PKP2: variants seen among roughly 807,000 people sequenced by gnomAD.
PKP2 encodes the protein plakophilin 2.
PKP2 carries 73 observed loss-of-function variants against 83.4 expected under a neutral mutation model. That is an observed-to-expected ratio of 0.88 (90% confidence interval 0.72 to 1.06). The LOEUF is 1.06. PKP2 is among the 50% of genes least tolerant of loss of function. The pLI is 0.00. For synonymous variants in PKP2, 409 were observed against 430.4 expected (o/e 0.95, Z 0.62); for missense variants, 966 against 1,065.4 (o/e 0.91, Z 1.30).
Position 32,877,892 on chromosome 12 carries a change from C to T in PKP2, c.988G>A (p.Gly330Arg). The change falls in exon 3 of 13, where the codon GGG becomes AGG. Residue 330 changes from glycine to arginine, a missense_variant. Coordinates refer to ENST00000340811, the MANE Select transcript of PKP2 (RefSeq NM_001005242.3). ...GTGCTTCTCTCAGTGAGCAGATTCC[C>T]ACTTCCCCCTGCGGCCGCCTGGCCG... ...TVGQAAAGGS[G>R]NLLTERSTFT... The T allele has an allele frequency of 6.2e-7, 1 of 1,614,180 alleles. No homozygotes were observed. The highest frequency in any genetic ancestry group is 8.5e-7 in the Non-Finnish European group (1 of 1,180,026).
intron 5 of PKP2, among the ~76,000 whole-genome samples, chr12:32,845,187 T>C (rs1305605917): frequency 6.6e-6 from 1 of 152,190 alleles, no homozygotes; most frequent in Non-Finnish European, 1.5e-5. Context: ...AGAAATTTAC[T>C]GCCAACCGTG....
In PKP2 at chr12:32,805,872, T is replaced by C. The variant is rs937405950; in HGVS notation, c.2014-3316A>G. Among the ~76,000 whole-genome samples, 7 of 152,206 alleles carry C rather than the reference T, an allele frequency of 4.6e-5. No homozygotes were observed. The East Asian group carries it at 7.7e-4, about 17-fold the overall frequency. ...CAATGGTAGTCTAACGGGGATAGCA[T>C]TGAATCTATAAATTACTTTGGGCAG... On this transcript the variant is annotated intron_variant, in intron 9 of 12. Coordinates refer to ENST00000340811, the MANE Select transcript of PKP2 (RefSeq NM_001005242.3).
At chr12:32,875,529 T>A (rs1592762106) in intron 3 of PKP2, among the ~76,000 whole-genome samples, 1 of 152,144 alleles carries the variant, frequency 6.6e-6, no homozygotes, top group East Asian at 1.9e-4. Flanking sequence ...ATGGGGCTTG[T>A]AGGTCATGCC....
chr12:32,823,213 A>G (rs1172628023), intron 7 of PKP2, among the ~76,000 whole-genome samples: 3 of 152,150 alleles, frequency 2.0e-5, no homozygotes, highest in African/African-American at 7.2e-5. Flanking sequence ...CAGGAGTTCA[A>G]GACCAGGCTG....
chr12:32,799,514 G>T (rs1956160157), intron 10 of PKP2, among the ~76,000 whole-genome samples: 1 of 152,202 alleles, frequency 6.6e-6, no homozygotes, highest in South Asian at 2.1e-4. Context: ...ATTCACAATT[G>T]CAAAATATGG....
At chr12:32,870,517 TA>T (rs56413210) in intron 3 of PKP2, among the ~76,000 whole-genome samples, 26,778 of 150,222 alleles carry the variant, frequency 0.18, 2,509 homozygotes, top group Middle Eastern at 0.24. Flanking sequence ...TTATAATTAG[TA>T]AAAAAAAAAT....
chr12:32,805,674 T>C (rs1956220011), intron 9 of PKP2, among the ~76,000 whole-genome samples: 2 of 152,202 alleles, frequency 1.3e-5, no homozygotes, highest in South Asian at 4.1e-4. Flanking sequence ...GTGTCTGCTT[T>C]TTGTACCAGT....
chr12:32,823,418 C>T (rs1221418222), intron 7 of PKP2, among the ~76,000 whole-genome samples: 15 of 89,632 alleles, frequency 1.7e-4, no homozygotes, highest in Admixed American at 5.5e-4. Flanking sequence ...CTAGACTCTG[C>T]CTCCAAAAAA....
At position 32,818,145 on chromosome 12, in the gene PKP2, G is replaced by A. The variant is rs146751436; in HGVS notation, c.2013+3211C>T. On this transcript the variant is annotated intron_variant, in intron 9 of 12. Transcript: ENST00000340811. ...GAATATGTTTCATTTTTTTCCGATC[G>A]ATATTAAATAAAGGGCTTTTAAAAC... Among the ~76,000 whole-genome samples the A allele has an allele frequency of 1.4e-3, 213 of 152,244 alleles. 1 individual carries two copies. The highest frequency in any genetic ancestry group is 4.8e-3 in the African/African-American group (200 of 41,526).
At chr12:32,867,122 T>C (rs1251537717) in intron 4 of PKP2, among the ~76,000 whole-genome samples, 1 of 152,140 alleles carries the variant, frequency 6.6e-6, no homozygotes, top group Non-Finnish European at 1.5e-5. Flanking sequence ...GAGCCAGGTG[T>C]TCCAGACCAG....
At position 32,823,422 on chromosome 12, in the gene PKP2, CAA is replaced by C. The variant is rs34680115; in HGVS notation, c.1674+621_1674+622del. On this transcript the variant is annotated intron_variant, in intron 7 of 12. Transcript: ENST00000340811. ...GGGTGATGAAGCTAGACTCTGCCTC[CAA>C]AAAAAAAAAAAAAAAAAGGATTATA... 3.4e-3 allele frequency among the ~76,000 whole-genome samples: 290 copies of C among 84,154 alleles called. 1 individual carries two copies. The highest frequency in any genetic ancestry group is 0.018 in the Admixed American group (126 of 7,074). The allele number at this position is 84,154 out of a possible 152,430, so 55.2% of individuals were successfully genotyped here.
intron 9 of PKP2, among the ~76,000 whole-genome samples, chr12:32,807,906 C>G (rs1296327735): frequency 6.6e-6 from 1 of 152,190 alleles, no homozygotes; most frequent in African/African-American, 2.4e-5. Context: ...TGCTGTTAGT[C>G]TCATGGGCTT....
At chr12:32,830,499 C>G (rs1373119858) in intron 6 of PKP2, among the ~76,000 whole-genome samples, 2 of 152,198 alleles carry the variant, frequency 1.3e-5, no homozygotes, top group African/African-American at 4.8e-5. Context: ...GCCCTACAAC[C>G]TACACATCTT....
chr12:32,833,294 C>T (rs1956516996), intron 6 of PKP2, among the ~76,000 whole-genome samples: 1 of 152,032 alleles, frequency 6.6e-6, no homozygotes, highest in Non-Finnish European at 1.5e-5. Context: ...AATGCATAAT[C>T]ATGAAAATGT....
At chr12:32,876,384 A>G (rs1410935399) in intron 3 of PKP2, among the ~76,000 whole-genome samples, 1 of 152,196 alleles carries the variant, frequency 6.6e-6, no homozygotes, top group Non-Finnish European at 1.5e-5. Context: ...AGGATGTCAG[A>G]TAATAATTTT....
At chr12:32,842,651 C>G (rs531819919) in intron 5 of PKP2, among the ~76,000 whole-genome samples, 1 of 152,310 alleles carries the variant, frequency 6.6e-6, no homozygotes, top group East Asian at 1.9e-4. Flanking sequence ...CCCTATCCTT[C>G]TCACTGCCCA....
In PKP2 at chr12:32,858,132, A is replaced by ATATAT. The variant is rs1374052544; in HGVS notation, c.1171-7160_1171-7159insATATA. Among the ~76,000 whole-genome samples, 217 of 98,242 alleles carry ATATAT rather than the reference A, an allele frequency of 2.2e-3. 6 individuals are homozygous for ATATAT. Among genetic ancestry groups the ATATAT allele is most frequent in the African/African-American group, 9.1e-3 (213 of 23,506 alleles). 64.5% of individuals were successfully genotyped at this position (98,242 alleles called of 152,430 possible). A position where few individuals can be genotyped will look rare whatever the true frequency, so the allele number is the denominator to read the frequency against. On this transcript the variant is annotated intron_variant, in intron 4 of 12. Coordinates refer to ENST00000340811, the MANE Select transcript of PKP2 (RefSeq NM_001005242.3). ...ATATATATATTTATATATATTTTAT[A>ATATAT]TTTATATATATATATATATAAATAT...
chr12:32,858,125 ATTT>A (rs1220432775), intron 4 of PKP2, among the ~76,000 whole-genome samples: 39 of 96,832 alleles, frequency 4.0e-4, no homozygotes, highest in African/African-American at 1.6e-3. Flanking sequence ...ATTTATATAT[ATTT>A]TATATTTATA....
chr12:32,894,280 T>C (rs1461819699), intron 1 of PKP2: 3 of 152,210 alleles, frequency 2.0e-5, no homozygotes, highest in African/African-American at 4.8e-5. Context: ...GGTCACTTAC[T>C]ACTTTTTATT....
Sources: gnomAD v4.1 joint callset for allele counts (sites outside exome capture counted in the v4.1 genomes callset) on GRCh38, gnomAD v4.1.1 for gene constraint, MANE v1.5 for transcripts, NCBI Gene and HGNC (gene_info 2026-07-23, HGNC 2026-07-21) for gene names.